The following CCDC102A variants were observed in gnomAD, a reference collection of about 807,000 sequenced individuals.
CCDC102A encodes the protein coiled-coil domain-containing protein 102A.
Under a neutral mutation model 55.5 loss-of-function variants are expected in CCDC102A, and 40 were observed. The observed-to-expected ratio is 0.72, with a 90% CI of 0.56 to 0.94. The LOEUF is 0.94. CCDC102A is among the 40% of genes least tolerant of loss of function. The probability of loss-of-function intolerance (pLI) is 0.00; values close to 1 mark genes in which losing one functional copy is unlikely to be tolerated. For missense variants in CCDC102A, 779 were observed against 768.6 expected (o/e 1.01, Z -0.16); for synonymous variants, 323 against 339.0 (o/e 0.95, Z 0.52).
chr16:57,530,216 C>T (rs2032229998), intron 1 of CCDC102A, among the ~76,000 whole-genome samples: 1 of 152,146 alleles, frequency 6.6e-6, no homozygotes, highest in South Asian at 2.1e-4. Context: ...AAACAGCTCT[C>T]TTGTTCTCTG....
intron 2 of CCDC102A, among the ~76,000 whole-genome samples, chr16:57,527,169 G>A (rs1241073556): frequency 3.8e-5 from 4 of 104,138 alleles, no homozygotes; most frequent in African/African-American, 3.5e-4. Context: ...GGGCAGAATA[G>A]AGGAGGGGCA....
At chr16:57,530,268 C>G (rs1025601993) in intron 1 of CCDC102A, among the ~76,000 whole-genome samples, 1 of 152,188 alleles carries the variant, frequency 6.6e-6, no homozygotes, top group Non-Finnish European at 1.5e-5. Flanking sequence ...CTGGGCTCTG[C>G]CATTTATGGG....
chr16:57,516,191 C>A lies in CCDC102A; in HGVS notation c.1419+102G>T. 1 of 1,220,852 alleles carries A rather than the reference C, an allele frequency of 8.2e-7. No homozygotes were observed. Among genetic ancestry groups the A allele is most frequent in the East Asian group, 2.5e-5 (1 of 40,804 alleles). 75.6% of individuals were successfully genotyped at this position (1,220,852 alleles called of 1,614,324 possible). A position where few individuals can be genotyped will look rare whatever the true frequency, so the allele number is the denominator to read the frequency against. On this transcript the variant is annotated intron_variant, in intron 7 of 8. Transcript: ENST00000258214. This position sits in a 1 kb window ranked among gnomAD's most constrained non-coding sequence, Gnocchi z 4.4. ...CGACTCCTGAGAGACAGGCTTGTGC[C>A]AGGCACCAGGGGCTGAGAATGGAGA... is the stretch of plus-strand genomic sequence containing the variant.
chr16:57,534,296 T>G (rs926605022), intron 1 of CCDC102A, among the ~76,000 whole-genome samples: 1 of 152,286 alleles, frequency 6.6e-6, no homozygotes, highest in South Asian at 2.1e-4. Context: ...TCAGGGCTCC[T>G]GAACCCCAGC....
Position 57,516,147 on chromosome 16 carries a change from C to G in CCDC102A, c.1419+146G>C, listed in dbSNP as rs1241078609. On this transcript the variant is annotated intron_variant, in intron 7 of 8. Coordinates refer to ENST00000258214, the MANE Select transcript of CCDC102A (RefSeq NM_033212.4). This position sits in a 1 kb window ranked among gnomAD's most constrained non-coding sequence, Gnocchi z 4.4. ...ATCCTGCCATCCATTCATCACGCAC[C>G]TACCCACTCTATCCTGGGCGACTCC... 1.4e-6 allele frequency: 1 copy of G among 716,314 alleles called. No homozygotes were observed. Among genetic ancestry groups the G allele is most frequent in the South Asian group, 1.8e-5 (1 of 54,254 alleles). 44.4% of individuals were successfully genotyped at this position (716,314 alleles called of 1,614,324 possible).
At position 57,512,239 on chromosome 16, in the gene CCDC102A, G is replaced by A; in HGVS notation, c.*502C>T. On this transcript the variant is annotated 3_prime_UTR_variant, in exon 9 of 9. Coordinates refer to ENST00000258214, the MANE Select transcript of CCDC102A (RefSeq NM_033212.4). ...TTCCTGAGCTCTGGTTCAGCGTCAG[G>A]TGCAGGCCGATGCCGTCCCCCACAA... 3 of 395,110 alleles carry A rather than the reference G, an allele frequency of 7.6e-6. No individual in the cohort carries two copies. Among genetic ancestry groups the A allele is most frequent in the Non-Finnish European group, 1.3e-5 (3 of 224,574 alleles). The allele number at this position is 395,110 out of a possible 1,614,324, so 24.5% of individuals were successfully genotyped here.
intron 3 of CCDC102A, among the ~76,000 whole-genome samples, chr16:57,525,615 A>G (rs1303922210): frequency 6.6e-6 from 1 of 151,788 alleles, no homozygotes; most frequent in African/African-American, 2.4e-5. Context: ...CTCTCCCCCA[A>G]CTAGAAAGTA....
At chr16:57,534,729 G>T (rs1414261280) in intron 1 of CCDC102A, among the ~76,000 whole-genome samples, 1 of 152,198 alleles carries the variant, frequency 6.6e-6, no homozygotes, top group Non-Finnish European at 1.5e-5. Flanking sequence ...AGTTTGGGAA[G>T]GTTGAGTCAT....
intron 6 of CCDC102A, 120 bp downstream of exon 6, chr16:57,517,948 G>A: frequency 8.7e-7 from 1 of 1,147,318 alleles, no homozygotes; most frequent in South Asian, 1.5e-5. Context: ...AGCACACAAG[G>A]TGCTGAATAC....
chr16:57,525,017 G>A (rs971189193), intron 3 of CCDC102A, among the ~76,000 whole-genome samples: 2 of 152,112 alleles, frequency 1.3e-5, no homozygotes, highest in Non-Finnish European at 2.9e-5. Context: ...TTCAGGGCTG[G>A]ATCCTCTGAC....
chr16:57,528,876 G>T lies in CCDC102A; in HGVS notation c.302C>A (p.Thr101Asn). 7.2e-7 allele frequency: 1 copy of T among 1,380,842 alleles called. No individual in the cohort carries two copies. The highest frequency in any genetic ancestry group is 9.4e-7 in the Non-Finnish European group (1 of 1,061,420). The allele number at this position is 1,380,842 out of a possible 1,614,324, so 85.5% of individuals were successfully genotyped here. ...GCTCCATTTCTCGCGCCAATTGGCAGTGCAGTCCGACCACCGGCGCATGGT... is the reference window on the plus strand; with the variant it reads ...GCTCCATTTCTCGCGCCAATTGGCATTGCAGTCCGACCACCGGCGCATGGT... ...EKTMRRWSDC[T>N]ANWREKWSKV... The change falls in exon 2 of 9, where the codon ACT becomes AAT. Residue 101 changes from threonine (T) to asparagine (N), a missense_variant. Transcript: ENST00000258214.
rs1010600522 is a variant in CCDC102A, at chr16:57,536,482, C to T, written c.-148+18G>A. The T allele has an allele frequency of 3.9e-5, 6 of 152,756 alleles. No individual in the cohort carries two copies. The highest frequency in any genetic ancestry group is 1.4e-4 in the African/African-American group (6 of 41,568). 9.5% of individuals were successfully genotyped at this position (152,756 alleles called of 1,614,324 possible). On this transcript the variant is annotated intron_variant, in intron 1 of 8. Coordinates refer to ENST00000258214, the MANE Select transcript of CCDC102A (RefSeq NM_033212.4). ...GCCGCCTTGGCCTGCCGCCCCCCGG[C>T]CTGCCGCCCCCGCTCACCTCGGGCC... is the stretch of plus-strand genomic sequence containing the variant.
At chr16:57,517,966 T>C in intron 6 of CCDC102A, 102 bp downstream of exon 6, 2 of 1,309,276 alleles carry the variant, frequency 1.5e-6, no homozygotes, top group South Asian at 2.8e-5. Context: ...TACATGCAGC[T>C]ACCATAATTA....
Position 57,528,630 on chromosome 16 carries a change from A to C in CCDC102A, c.548T>G (p.Val183Gly). The C allele has an allele frequency of 8.0e-7, 1 of 1,256,584 alleles. No individual in the cohort carries two copies. The highest frequency in any genetic ancestry group is 1.0e-6 in the Non-Finnish European group (1 of 993,910). 77.8% of individuals were successfully genotyped at this position (1,256,584 alleles called of 1,614,324 possible). A position where few individuals can be genotyped will look rare whatever the true frequency, so the allele number is the denominator to read the frequency against. Residue 183 changes from valine to glycine, a missense_variant, in exon 2 of 9, where the codon GTG becomes GGG. By Grantham distance (109) the Val-to-Gly change is moderately radical. Coordinates refer to ENST00000258214, the MANE Select transcript of CCDC102A (RefSeq NM_033212.4). ...GPEPEAEREP[V>G]RDVGSERPPG... ...CGGCCTCTCGGACCCGACGTCACGC[A>C]CTGGCTCGCGCTCCGCTTCCGGCTC...
At chr16:57,520,992 C>T in intron 4 of CCDC102A, 76 bp downstream of exon 4, 3 of 877,134 alleles carry the variant, frequency 3.4e-6, no homozygotes, top group Non-Finnish European at 5.7e-6. Context: ...TGAATTCTCT[C>T]TTCCATCTCC....
At chr16:57,513,010 T>G in intron 8 of CCDC102A, 140 bp from the exon 9 acceptor site, 2 of 644,382 alleles carry the variant, frequency 3.1e-6, no homozygotes, top group Non-Finnish European at 5.2e-6. Context: ...CCTTATATGA[T>G]AGAAGTGCCA....
chr16:57,518,287 G>A lies in CCDC102A; in HGVS notation c.1039-10C>T, dbSNP rs1346241717. 2 of 1,605,964 alleles carry A rather than the reference G, an allele frequency of 1.2e-6. No individual in the cohort carries two copies. The highest frequency in any genetic ancestry group is 2.2e-5 in the East Asian group (1 of 44,878). On this transcript the variant is annotated splice_polypyrimidine_tract_variant and intron_variant, in intron 5 of 8. Coordinates refer to ENST00000258214, the MANE Select transcript of CCDC102A (RefSeq NM_033212.4). ...CCTGCAGCCGCTCCATCTGCAGCAGGGCAGGGCAGAGTGAGGACTCCCAGC... is the reference window on the plus strand; with the variant it reads ...CCTGCAGCCGCTCCATCTGCAGCAGAGCAGGGCAGAGTGAGGACTCCCAGC...
At chr16:57,517,147 C>G (rs759716449) in intron 6 of CCDC102A, among the ~76,000 whole-genome samples, 2 of 151,982 alleles carry the variant, frequency 1.3e-5, no homozygotes, top group Non-Finnish European at 2.9e-5. Flanking sequence ...TAAACTCTCT[C>G]GAAGAGTCCC....
intron 8 of CCDC102A, 135 bp from the exon 9 acceptor site, chr16:57,513,005 T>C (rs2031893406): frequency 1.5e-6 from 1 of 676,426 alleles, no homozygotes; most frequent in Non-Finnish European, 2.5e-6. Context: ...AATCTCCTTA[T>C]ATGATAGAAG....
Sources: allele counts gnomAD v4.1 joint callset (sites outside exome capture counted in the v4.1 genomes callset), GRCh38; gene constraint gnomAD v4.1.1; non-coding constraint Gnocchi (gnomAD v3.1); transcripts MANE v1.5; gene names NCBI Gene and HGNC (gene_info 2026-07-23, HGNC 2026-07-21).